The following PARM1 variants were observed in gnomAD, a reference collection of about 807,000 sequenced individuals.
PARM1 encodes prostate androgen-regulated mucin-like protein 1.
In PARM1, 14 loss-of-function variants were observed where a neutral mutation model predicts 24.6. The ratio of observed to expected loss-of-function variants is 0.57; its 90% CI spans 0.38 to 0.89. The LOEUF (loss-of-function observed/expected upper bound fraction) is 0.89, where lower values mean the gene tolerates loss of function less well. PARM1 is among the 40% of genes least tolerant of loss of function. The pLI is 0.00. For missense variants in PARM1, 362 were observed against 380.4 expected (o/e 0.95, Z 0.40); for synonymous variants, 179 against 156.6 (o/e 1.14, Z -1.07).
intron 3 of PARM1, among the ~76,000 whole-genome samples, chr4:75,034,492 A>G (rs528485154): frequency 6.6e-6 from 1 of 152,304 alleles, no homozygotes; most frequent in African/African-American, 2.4e-5. Flanking sequence ...TTATGTCTTT[A>G]TATTTTTGGC....
At chr4:74,951,910 G>C (rs1475266191) in intron 1 of PARM1, among the ~76,000 whole-genome samples, 2 of 152,200 alleles carry the variant, frequency 1.3e-5, no homozygotes, top group Non-Finnish European at 2.9e-5. Flanking sequence ...ATGTGCATGT[G>C]TCATTATAGT....
rs1722704879 is a variant in PARM1, at chr4:75,002,752, G to A, written c.44-9673G>A. Among the ~76,000 whole-genome samples the A allele has an allele frequency of 3.9e-5, 6 of 152,176 alleles. No individual in the cohort carries two copies. In the South Asian group the frequency reaches 1.2e-3, roughly 32 times the overall value. ...GGGAGACTGCCACCAAAGCTGCCCA[G>A]GAAGCATGTCCAGGTCAGTCTCCAT... On this transcript the variant is annotated intron_variant, in intron 1 of 3. Coordinates refer to ENST00000307428, the MANE Select transcript of PARM1 (RefSeq NM_015393.4).
chr4:75,002,966 T>C (rs1722709082), intron 1 of PARM1, among the ~76,000 whole-genome samples: 1 of 152,208 alleles, frequency 6.6e-6, no homozygotes, highest in South Asian at 2.1e-4. Context: ...TGTGTGGGCC[T>C]TTGTGTGTAC....
At chr4:74,945,457 A>G (rs1262210767) in intron 1 of PARM1, among the ~76,000 whole-genome samples, 1 of 152,192 alleles carries the variant, frequency 6.6e-6, no homozygotes, top group Non-Finnish European at 1.5e-5. Flanking sequence ...CGAAAATAAG[A>G]TTTTAGAGAA....
In PARM1 at chr4:74,990,404, G is replaced by A. The variant is rs142000115; in HGVS notation, c.44-22021G>A. ...TATCAATGTTTCCAGCTGGAAGGAG[G>A]AAAAGTTTTGCAGCTGCAATGTAAA... On this transcript the variant is annotated intron_variant, in intron 1 of 3. Coordinates refer to ENST00000307428, the MANE Select transcript of PARM1 (RefSeq NM_015393.4). Among the ~76,000 whole-genome samples the A allele has an allele frequency of 3.3e-3, 504 of 152,230 alleles. 5 individuals carry two copies. Among genetic ancestry groups the A allele is most frequent in the African/African-American group, 0.011 (470 of 41,540 alleles).
intron 1 of PARM1, among the ~76,000 whole-genome samples, chr4:74,986,042 C>G (rs1300079968): frequency 6.6e-6 from 1 of 152,222 alleles, no homozygotes; most frequent in Non-Finnish European, 1.5e-5. Context: ...GCTGGGATTA[C>G]AGGCATGAGC....
chr4:75,048,319 C>A lies in PARM1; in HGVS notation c.*2072C>A, dbSNP rs1578065235. The A allele has an allele frequency of 6.6e-6, 1 of 152,200 alleles. No individual in the cohort carries two copies. Among genetic ancestry groups the A allele is most frequent in the Non-Finnish European group, 1.5e-5 (1 of 68,030 alleles). The allele number at this position is 152,200 out of a possible 1,614,324, so 9.4% of individuals were successfully genotyped here. A position where few individuals can be genotyped will look rare whatever the true frequency, so the allele number is the denominator to read the frequency against. On this transcript the variant is annotated 3_prime_UTR_variant, in exon 4 of 4. Coordinates refer to ENST00000307428, the MANE Select transcript of PARM1 (RefSeq NM_015393.4). ...TAATGAGGAGGGGGCTTACTGGAAT[C>A]GTCATATCTCTGAATATTGAAAACA... is the stretch of plus-strand genomic sequence containing the variant.
chr4:74,997,161 G>A (rs1343821564), intron 1 of PARM1, among the ~76,000 whole-genome samples: 3 of 152,124 alleles, frequency 2.0e-5, no homozygotes, highest in East Asian at 1.9e-4. Context: ...GGAACCTGTC[G>A]TGTTAAAAGC....
At chr4:75,002,578 A>T (rs1489574721) in intron 1 of PARM1, among the ~76,000 whole-genome samples, 1 of 152,156 alleles carries the variant, frequency 6.6e-6, no homozygotes, top group Non-Finnish European at 1.5e-5. Flanking sequence ...GGAAGGAATG[A>T]ATCACCACCT....
At chr4:75,034,234 C>G (rs1723327676) in intron 3 of PARM1, among the ~76,000 whole-genome samples, 2 of 152,100 alleles carry the variant, frequency 1.3e-5, no homozygotes, top group South Asian at 4.2e-4. Flanking sequence ...AGACTGAAGC[C>G]TAGGCTCCCT....
At chr4:74,978,993 C>A (rs1722192377) in intron 1 of PARM1, among the ~76,000 whole-genome samples, 1 of 152,002 alleles carries the variant, frequency 6.6e-6, no homozygotes. Flanking sequence ...ACTAAATGCT[C>A]ATATCAAAAA....
intron 2 of PARM1, among the ~76,000 whole-genome samples, chr4:75,028,697 C>T (rs1723225314): frequency 6.6e-6 from 1 of 152,180 alleles, no homozygotes; most frequent in African/African-American, 2.4e-5. Context: ...GAGACACTCA[C>T]CTCTTTTTCA....
At chr4:74,983,219 G>C (rs925085895) in intron 1 of PARM1, among the ~76,000 whole-genome samples, 8 of 152,198 alleles carry the variant, frequency 5.3e-5, no homozygotes, top group African/African-American at 1.9e-4. Context: ...GTAGTAGATT[G>C]TTGTGGCTTT....
chr4:75,001,297 AATG>A (rs1722675934), intron 1 of PARM1, among the ~76,000 whole-genome samples: 2 of 152,254 alleles, frequency 1.3e-5, no homozygotes, highest in South Asian at 2.1e-4. Flanking sequence ...TATAATGATA[AATG>A]ATGAGTTAGT....
At chr4:74,956,372 G>A (rs1433553648) in intron 1 of PARM1, 1 of 152,232 alleles carries the variant, frequency 6.6e-6, no homozygotes, top group Non-Finnish European at 1.5e-5. Flanking sequence ...AGACTCATGT[G>A]TTGGAGAGGG....
At chr4:75,013,894 A>G (rs1722929020) in intron 2 of PARM1, among the ~76,000 whole-genome samples, 1 of 152,212 alleles carries the variant, frequency 6.6e-6, no homozygotes, top group South Asian at 2.1e-4. Flanking sequence ...TTCTGAGGTC[A>G]CCTGCATCTG....
intron 2 of PARM1, among the ~76,000 whole-genome samples, chr4:75,030,877 C>T (rs1191566872): frequency 6.6e-6 from 1 of 152,188 alleles, no homozygotes; most frequent in Non-Finnish European, 1.5e-5. Flanking sequence ...CTGTCCCTTC[C>T]TCATATTGAA....
intron 1 of PARM1, among the ~76,000 whole-genome samples, chr4:74,947,795 A>G (rs1169623028): frequency 1.3e-5 from 2 of 152,236 alleles, no homozygotes; most frequent in African/African-American, 4.8e-5. Flanking sequence ...CCTCCTTTGC[A>G]GATGATTATG....
At chr4:75,035,640 T>A (rs1285382042) in intron 3 of PARM1, among the ~76,000 whole-genome samples, 2 of 152,166 alleles carry the variant, frequency 1.3e-5, no homozygotes, top group Admixed American at 1.3e-4. Context: ...TCCCTCCTCC[T>A]TCCCTTTTAT....
Sources: allele counts gnomAD v4.1 joint callset (sites outside exome capture counted in the v4.1 genomes callset), GRCh38; gene constraint gnomAD v4.1.1; transcripts MANE v1.5; gene names NCBI Gene and HGNC (gene_info 2026-07-23, HGNC 2026-07-21).